CS: variants seen among roughly 807,000 people sequenced by gnomAD.
CS encodes citrate synthase, also known as citrate synthase, mitochondrial.
CS carries 13 observed loss-of-function variants against 61.4 expected under a neutral mutation model. The ratio of observed to expected loss-of-function variants is 0.21; its 90% CI spans 0.14 to 0.34. CS has a LOEUF of 0.34. Among genes scored for constraint, CS ranks in the 10% least tolerant of loss-of-function variants. The pLI is 1.00. For synonymous variants in CS, 159 were observed against 215.2 expected (o/e 0.74, Z 2.29); for missense variants, 278 against 573.4 (o/e 0.48, Z 5.26).
intron 1 of CS, among the ~76,000 whole-genome samples, chr12:56,289,379 C>T (rs1420422678): frequency 1.3e-5 from 2 of 152,088 alleles, no homozygotes; most frequent in Non-Finnish European, 2.9e-5. Flanking sequence ...CTACATCAGC[C>T]CAGCAGGAGA....
chr12:56,282,464 C>T lies in CS; in HGVS notation c.544G>A (p.Ala182Thr). Residue 182 changes from alanine to threonine, a missense_variant, in exon 6 of 11, where the codon GCC (alanine) becomes ACC (threonine). This residue lies in a region of CS where 223 missense variants were observed against 503.5 expected (regional missense o/e 0.44). Coordinates refer to ENST00000351328, the MANE Select transcript of CS (RefSeq NM_004077.3). ...VTALNSESNF[A>T]RAYAQGISRT... Reference sequence around the variant, plus strand: ...CTGATACCCTGTGCATATGCTCGGGCAAAGTTACTTTCACTGTTGAGGGCT... The same window carrying T: ...CTGATACCCTGTGCATATGCTCGGGTAAAGTTACTTTCACTGTTGAGGGCT... 1 of 1,613,056 alleles carries T rather than the reference C, an allele frequency of 6.2e-7. No homozygotes were observed. The highest frequency in any genetic ancestry group is 8.5e-7 in the Non-Finnish European group (1 of 1,179,784).
chr12:56,296,423 T>C (rs760678609), intron 1 of CS, among the ~76,000 whole-genome samples: 10 of 152,012 alleles, frequency 6.6e-5, no homozygotes, highest in Non-Finnish European at 1.3e-4. Context: ...ACCACTGCAC[T>C]CCAGCCCCAC....
At chr12:56,277,448 A>G (rs527504381) in intron 6 of CS, among the ~76,000 whole-genome samples, 5 of 148,800 alleles carry the variant, frequency 3.4e-5, no homozygotes, top group South Asian at 2.2e-4. Flanking sequence ...GCAGTGAGCC[A>G]AGATCGTGCC....
intron 2 of CS, 29 bp downstream of exon 2, chr12:56,286,560 GATTCTT>G (rs768313686): frequency 2.1e-5 from 34 of 1,607,588 alleles, no homozygotes; most frequent in East Asian, 6.7e-5. Context: ...TGGCCGCAAT[GATTCTT>G]ATTCTTAGTC....
chr12:56,290,553 G>GT (rs1873089989), intron 1 of CS, among the ~76,000 whole-genome samples: 1 of 151,888 alleles, frequency 6.6e-6, no homozygotes, highest in African/African-American at 2.4e-5. Flanking sequence ...GTTCAGTCAT[G>GT]TTTTTTGCTA....
intron 10 of CS, 27 bp from the exon 11 acceptor site, chr12:56,273,281 C>T: frequency 1.2e-6 from 2 of 1,607,742 alleles, no homozygotes; most frequent in Non-Finnish European, 1.7e-6. Context: ...AAAAATATTT[C>T]ATTTAAGGCA....
Position 56,273,481 on chromosome 12 carries a change from G to C in CS, c.1230+106C>G. 2.5e-6 allele frequency: 3 copies of C among 1,200,416 alleles called. No individual in the cohort carries two copies. The South Asian group carries it at 4.1e-5, about 16-fold the overall frequency. The allele number at this position is 1,200,416 out of a possible 1,614,324, so 74.4% of individuals were successfully genotyped here. ...ATAGTCAACTTTATCAAAATGCTCTGTGAGGGAAGTCCCTGCTCTGACTAG... is the reference window on the plus strand; with the variant it reads ...ATAGTCAACTTTATCAAAATGCTCTCTGAGGGAAGTCCCTGCTCTGACTAG... On this transcript the variant is annotated intron_variant, in intron 10 of 10. Transcript: ENST00000351328.
At chr12:56,288,112 T>C (rs973008916) in intron 1 of CS, among the ~76,000 whole-genome samples, 2 of 152,186 alleles carry the variant, frequency 1.3e-5, no homozygotes, top group African/African-American at 4.8e-5. Context: ...GCTCTAATAC[T>C]CACCACACAC....
At chr12:56,284,001 T>C in intron 3 of CS, 144 bp from the exon 4 acceptor site, 1 of 649,684 alleles carries the variant, frequency 1.5e-6, no homozygotes, top group Non-Finnish European at 2.7e-6. Context: ...TGGTGAGAGA[T>C]GTCTGAGGAG....
At chr12:56,283,883 A>C (rs1872850016) in intron 3 of CS, 26 bp from the exon 4 acceptor site, 3 of 1,569,038 alleles carry the variant, frequency 1.9e-6, no homozygotes, top group Non-Finnish European at 2.6e-6. Context: ...AAAGAAGGAA[A>C]AAAAAAAGAG....
Position 56,276,165 on chromosome 12 carries a change from C to A in CS, c.619G>T (p.Ala207Ser), listed in dbSNP as rs200501558. The change falls in exon 7 of 11, where the codon GCA becomes TCA. Residue 207 changes from alanine (A) to serine (S), a missense_variant. Ala to Ser is a moderately conservative substitution (Grantham distance 99). Around this residue, in one of 2 missense-constraint regions of CS, gnomAD observed 223 missense variants for 503.5 expected, o/e 0.44. Coordinates refer to ENST00000351328, the MANE Select transcript of CS (RefSeq NM_004077.3). ...LIYEDSMDLI[A>S]KLPCVAAKIY... ...TTTGCTGCAACACAAGGTAGCTTTG[C>A]GATTAGATCCATAGAGTCTTCATAA... 2 of 1,613,642 alleles carry A rather than the reference C, an allele frequency of 1.2e-6. No individual in the cohort carries two copies. The highest frequency in any genetic ancestry group is 1.7e-6 in the Non-Finnish European group (2 of 1,180,010).
chr12:56,293,542 C>A lies in CS; in HGVS notation c.42+6618G>T, dbSNP rs1036982694. ...GACCAGCCTGGCCAACATGGTGACA[C>A]CCCATCTCTACTAAAAATACAAAAA... On this transcript the variant is annotated intron_variant, in intron 1 of 10. Transcript: ENST00000351328. Among the ~76,000 whole-genome samples the A allele has an allele frequency of 6.6e-5, 10 of 152,242 alleles. No individual in the cohort carries two copies. The East Asian group carries it at 1.7e-3, about 26-fold the overall frequency.
rs1372326460 is a variant in CS at position 56,278,901 on chromosome 12, G to C, written c.589-2706C>G. On this transcript the variant is annotated intron_variant, in intron 6 of 10. Coordinates refer to ENST00000351328, the MANE Select transcript of CS (RefSeq NM_004077.3). Reference sequence around the variant, plus strand: ...CGATTCTCCCACCTCGGCCTCCTGAGTAGTTGGGATTACAGGTGTGCACCA... The same window carrying C: ...CGATTCTCCCACCTCGGCCTCCTGACTAGTTGGGATTACAGGTGTGCACCA... Among the ~76,000 whole-genome samples the C allele has an allele frequency of 3.3e-5, 5 of 152,068 alleles. No individual in the cohort carries two copies. The East Asian group carries it at 9.7e-4, about 30-fold the overall frequency.
Position 56,280,184 on chromosome 12 carries a change from G to A in CS, c.588+2236C>T, listed in dbSNP as rs1175828935. Among the ~76,000 whole-genome samples the A allele has an allele frequency of 2.6e-5, 4 of 152,050 alleles. No individual in the cohort carries two copies. In the East Asian group the frequency reaches 7.7e-4, roughly 29 times the overall value. The stretch of plus-strand genomic sequence containing the variant: ...TAATCCCAGCACTTTGGGAGGCCGA[G>A]GTGGGCAGATCACGAGGTCAGAGGT... On this transcript the variant is annotated intron_variant, in intron 6 of 10. Transcript: ENST00000351328.
intron 1 of CS, among the ~76,000 whole-genome samples, chr12:56,288,625 C>G (rs1040175284): frequency 6.6e-6 from 1 of 151,742 alleles, no homozygotes; most frequent in Non-Finnish European, 1.5e-5. Flanking sequence ...AATTTAGTTC[C>G]CCTATTTCTG....
chr12:56,287,125 G>C (rs1306637665), intron 1 of CS, among the ~76,000 whole-genome samples: 1 of 152,178 alleles, frequency 6.6e-6, no homozygotes, highest in Non-Finnish European at 1.5e-5. Context: ...CAAAGAAGCT[G>C]ACAGAAGACT....
Position 56,286,621 on chromosome 12 carries a change from C to T in CS, c.67G>A (p.Ala23Thr). ...GTGGAGGAAGCACTGGCATGCCGGGCTGCAAGAACAAGACAAGATGCATTC... is the reference window on the plus strand; with the variant it reads ...GTGGAGGAAGCACTGGCATGCCGGGTTGCAAGAACAAGACAAGATGCATTC... ...TKNASCLVLA[A>T]RHASASSTNL... The change falls in exon 2 of 11, where the codon GCC becomes ACC. Residue 23 changes from alanine to threonine, a missense_variant. This residue lies in a region of CS where 55 missense variants were observed against 69.9 expected (regional missense o/e 0.79). Coordinates refer to ENST00000351328, the MANE Select transcript of CS (RefSeq NM_004077.3). The T allele has an allele frequency of 6.2e-7, 1 of 1,614,030 alleles. No homozygotes were observed. Among genetic ancestry groups the T allele is most frequent in the Non-Finnish European group, 8.5e-7 (1 of 1,179,954 alleles).
rs1592408010 is a variant in CS at position 56,280,429 on chromosome 12, A to AC, written c.588+1990_588+1991insG. On this transcript the variant is annotated intron_variant, in intron 6 of 10. Coordinates refer to ENST00000351328, the MANE Select transcript of CS (RefSeq NM_004077.3). Reference sequence around the variant, plus strand: ...GACACCGTCTCCCAAAAAAAACAAAAAAAAAAAACAAAAAAATTAGCCAGG... The same window carrying AC: ...GACACCGTCTCCCAAAAAAAACAAAACAAAAAAAACAAAAAAATTAGCCAGG... Among the ~76,000 whole-genome samples, 6 of 142,884 alleles carry AC rather than the reference A, an allele frequency of 4.2e-5. No homozygotes were observed. The East Asian group carries it at 1.0e-3, about 24-fold the overall frequency. The allele number at this position is 142,884 out of a possible 152,430, so 93.7% of individuals were successfully genotyped here. A position where few individuals can be genotyped will look rare whatever the true frequency, so the allele number is the denominator to read the frequency against.
chr12:56,274,070 T>G, intron 9 of CS: 1 of 436,806 alleles, frequency 2.3e-6, no homozygotes, highest in South Asian at 2.2e-5. Context: ...TCCCAGCACT[T>G]TGGGAGGCTG....
Sources: gnomAD v4.1 joint callset for allele counts (sites outside exome capture counted in the v4.1 genomes callset) on GRCh38, gnomAD v4.1.1 for gene constraint, gnomAD v4.1.1 regional missense constraint, MANE v1.5 for transcripts, NCBI Gene and HGNC (gene_info 2026-07-23, HGNC 2026-07-21) for gene names.